Variants in DTX4 observed in about 807,000 individuals in gnomAD.
DTX4 encodes E3 ubiquitin-protein ligase DTX4.
DTX4 carries 28 observed loss-of-function variants against 57.6 expected under a neutral mutation model. The ratio of observed to expected loss-of-function variants is 0.49; its 90% CI spans 0.36 to 0.67. The LOEUF (loss-of-function observed/expected upper bound fraction) is 0.67. Ranked by LOEUF, DTX4 falls within the 30% of genes least tolerant of loss-of-function variation. The pLI is 0.00. For synonymous variants in DTX4, 316 were observed against 331.0 expected, an observed-to-expected ratio of 0.95 and a Z score of 0.49; for missense variants, 715 against 836.8, an observed-to-expected ratio of 0.85 and a Z score of 1.80.
intron 2 of DTX4, among the ~76,000 whole-genome samples, chr11:59,187,597 C>T (rs1862544127): frequency 6.6e-6 from 1 of 152,254 alleles, no homozygotes. Context: ...TTTCCCAGCA[C>T]CATCCTGCCC....
intron 7 of DTX4, among the ~76,000 whole-genome samples, chr11:59,196,784 A>G (rs1334464457): frequency 6.6e-6 from 1 of 152,074 alleles, no homozygotes; most frequent in Non-Finnish European, 1.5e-5. Context: ...GTCTCCCATC[A>G]TGCCCAGATG....
intron 1 of DTX4, among the ~76,000 whole-genome samples, chr11:59,173,396 G>T (rs1298247792): frequency 6.6e-6 from 1 of 152,212 alleles, no homozygotes; most frequent in African/African-American, 2.4e-5. Context: ...GAAGCGCCGG[G>T]CTCCCTGGGA....
intron 5 of DTX4, 52 bp from the exon 6 acceptor site, chr11:59,192,046 C>T: frequency 6.3e-7 from 1 of 1,585,250 alleles, no homozygotes; most frequent in Admixed American, 1.7e-5. Flanking sequence ...TGGAAATCTC[C>T]CAGGCTGAGT....
chr11:59,199,559 G>A (rs1188894807), intron 7 of DTX4, 125 bp from the exon 8 acceptor site: 6 of 788,940 alleles, frequency 7.6e-6, no homozygotes, highest in Non-Finnish European at 1.0e-5. Flanking sequence ...TTTTGGGTCT[G>A]TTCTCTGTTG....
intron 4 of DTX4, 119 bp from the exon 5 acceptor site, chr11:59,190,995 C>T (rs1862590424): frequency 2.4e-6 from 2 of 824,044 alleles, no homozygotes; most frequent in Admixed American, 2.7e-5. Flanking sequence ...AGAAGGAATT[C>T]CTCCCCTTTT....
At chr11:59,182,762 C>T (rs561197258) in intron 2 of DTX4, among the ~76,000 whole-genome samples, 3 of 152,244 alleles carry the variant, frequency 2.0e-5, no homozygotes, top group South Asian at 2.1e-4. Context: ...GGCAGTAATA[C>T]GCCTGTTAGG....
chr11:59,189,501 A>G (rs1862570467), intron 4 of DTX4, among the ~76,000 whole-genome samples, 178 bp downstream of exon 4: 1 of 152,246 alleles, frequency 6.6e-6, no homozygotes, highest in African/African-American at 2.4e-5. Context: ...ATGTGTATGG[A>G]TCAGATGGAA....
chr11:59,187,465 G>A (rs1359063749), intron 2 of DTX4, among the ~76,000 whole-genome samples: 1 of 152,244 alleles, frequency 6.6e-6, no homozygotes, highest in Non-Finnish European at 1.5e-5. Context: ...GAAGGGCCAT[G>A]AGCCATGTGT....
chr11:59,174,865 G>A lies in DTX4; in HGVS notation c.211+2059G>A, dbSNP rs148037116. ...ATCATTTTAAAGGCTGCCTCAGGGT[G>A]TGTTTATCATCAGACTGCTGTGGTT... On this transcript the variant is annotated intron_variant, in intron 1 of 8. Transcript: ENST00000227451. Among the ~76,000 whole-genome samples the A allele has an allele frequency of 9.2e-5, 14 of 152,316 alleles. No homozygotes were observed. The East Asian group carries it at 2.7e-3, about 29-fold the overall frequency.
chr11:59,175,372 TGA>T (rs1862382550), intron 1 of DTX4, among the ~76,000 whole-genome samples: 1 of 152,240 alleles, frequency 6.6e-6, no homozygotes, highest in African/African-American at 2.4e-5. Context: ...GCTCTGCTGC[TGA>T]TAGAGTCCTC....
chr11:59,192,212 A>G lies in DTX4; in HGVS notation c.1336A>G (p.Ile446Val), dbSNP rs748661573. The G allele has an allele frequency of 8.7e-6, 14 of 1,613,852 alleles. No homozygotes were observed. The South Asian group carries it at 1.3e-4, about 15-fold the overall frequency. ...KLSRCGHVYH[I>V]YCLVAMYNNG... ...GTCCAGATGCGGCCACGTCTACCAC[A>G]TCTACTGCTTGGTTGCCATGTACAA... The change falls in exon 6 of 9, where the codon ATC (isoleucine) becomes GTC (valine). Residue 446 changes from isoleucine (I) to valine (V), a missense_variant. Coordinates refer to ENST00000227451, the MANE Select transcript of DTX4 (RefSeq NM_015177.2).
intron 2 of DTX4, 150 bp downstream of exon 2, chr11:59,182,612 G>T: frequency 8.7e-7 from 1 of 1,147,620 alleles, no homozygotes; most frequent in Admixed American, 2.9e-5. Context: ...GCACCTGGCT[G>T]CAGGTGTGGT....
chr11:59,181,643 T>C (rs1263374880), intron 1 of DTX4, 96 bp from the exon 2 acceptor site: 3 of 1,486,850 alleles, frequency 2.0e-6, no homozygotes, highest in Non-Finnish European at 2.7e-6. Flanking sequence ...ACTTGTTTCA[T>C]GTTTGCCATT....
At chr11:59,204,125 T>C (rs899044203) in intron 8 of DTX4, among the ~76,000 whole-genome samples, 1 of 152,200 alleles carries the variant, frequency 6.6e-6, no homozygotes, top group African/African-American at 2.4e-5. Flanking sequence ...GCCTCAGTTT[T>C]CTCACCTCGA....
chr11:59,195,144 C>T (rs960206078), intron 6 of DTX4, 64 bp from the exon 7 acceptor site: 58 of 1,567,742 alleles, frequency 3.7e-5, no homozygotes, highest in Non-Finnish European at 1.9e-5. Context: ...CCTTTTGGGA[C>T]TGGGTGGGAA....
intron 2 of DTX4, among the ~76,000 whole-genome samples, chr11:59,184,196 G>A (rs762747862): frequency 5.3e-5 from 8 of 152,166 alleles, no homozygotes; most frequent in Non-Finnish European, 1.2e-4. Flanking sequence ...CATCCTGGGG[G>A]CCTCTAACAG....
At chr11:59,178,470 G>T (rs1862421778) in intron 1 of DTX4, among the ~76,000 whole-genome samples, 1 of 152,172 alleles carries the variant, frequency 6.6e-6, no homozygotes, top group Non-Finnish European at 1.5e-5. Flanking sequence ...GCTTGAATCT[G>T]CATTCCCCAT....
At chr11:59,193,887 C>A (rs550342807) in intron 6 of DTX4, among the ~76,000 whole-genome samples, 17 of 152,298 alleles carry the variant, frequency 1.1e-4, no homozygotes, top group African/African-American at 3.1e-4. Context: ...CCTGTCTTCC[C>A]GAGGAGTTGG....
rs1468719037 is a variant in DTX4 at position 59,208,512 on chromosome 11, G to T, written c.*3603G>T. ...GTGTTTAAATTATTTACAGGCTGTT[G>T]TTTCTCAAATAAATGTTTAATATTA... On this transcript the variant is annotated 3_prime_UTR_variant, in exon 9 of 9. Transcript: ENST00000227451. The T allele has an allele frequency of 1.3e-5, 2 of 152,188 alleles. No homozygotes were observed. Among genetic ancestry groups the T allele is most frequent in the Non-Finnish European group, 2.9e-5 (2 of 68,034 alleles). 9.4% of individuals were successfully genotyped at this position (152,188 alleles called of 1,614,324 possible).
Sources: allele counts gnomAD v4.1 joint callset (sites outside exome capture counted in the v4.1 genomes callset), GRCh38; gene constraint gnomAD v4.1.1; transcripts MANE v1.5; gene names NCBI Gene and HGNC (gene_info 2026-07-23, HGNC 2026-07-21).